Variants in CSNK1G3 observed in about 807,000 individuals in gnomAD.
The protein encoded by CSNK1G3 is casein kinase 1 gamma 3.
Under a neutral mutation model 64.3 loss-of-function variants are expected in CSNK1G3, and 23 were observed. The ratio of observed to expected loss-of-function variants is 0.36; its 90% CI spans 0.26 to 0.51. The LOEUF (loss-of-function observed/expected upper bound fraction) is 0.51. Ranked by LOEUF, CSNK1G3 falls within the 20% of genes least tolerant of loss-of-function variation. CSNK1G3 has a pLI of 0.96. For missense variants in CSNK1G3, 357 were observed against 510.5 expected (o/e 0.70, Z 2.90); for synonymous variants, 158 against 162.2 (o/e 0.97, Z 0.20).
intron 7 of CSNK1G3, 75 bp downstream of exon 7, chr5:123,588,228 G>C: frequency 8.2e-7 from 1 of 1,219,796 alleles, no homozygotes; most frequent in South Asian, 1.3e-5. Flanking sequence ...CAACTAAACA[G>C]TTTTCATATT....
rs185780279 is a variant in CSNK1G3, at chr5:123,591,337, G to C, written c.1009G>C (p.Val337Leu). 5 of 1,608,026 alleles carry C rather than the reference G, an allele frequency of 3.1e-6. No individual in the cohort carries two copies. In the African/African-American group the frequency reaches 6.7e-5, roughly 22 times the overall value. The change falls in exon 10 of 13, where the codon GTT becomes CTT. Residue 337 changes from valine to leucine, a missense_variant. Transcript: ENST00000345990. ...ATTGTAGCCTACTCCAGTGGGTGCA[G>C]TTCAGCAAGATCCTGCTCTGTCATC...
Position 123,605,416 on chromosome 5 carries a change from G to A in CSNK1G3, c.1217+54G>A. 3 of 1,578,918 alleles carry A rather than the reference G, an allele frequency of 1.9e-6. No homozygotes were observed. The East Asian group carries it at 6.7e-5, about 35-fold the overall frequency. ...TAGCTCCATTGACTGTAATTTCAAA[G>A]ATTTAGCATCATTTTGTGTCTTTTG... is the stretch of plus-strand genomic sequence containing the variant. On this transcript the variant is annotated intron_variant, in intron 12 of 12. Transcript: ENST00000345990.
At chr5:123,609,786 A>G (rs1561633035) in intron 12 of CSNK1G3, among the ~76,000 whole-genome samples, 1 of 152,178 alleles carries the variant, frequency 6.6e-6, no homozygotes, top group Admixed American at 6.5e-5. Flanking sequence ...AAGGAAGCCT[A>G]ATGGAGAATG....
intron 7 of CSNK1G3, 110 bp from the exon 8 acceptor site, chr5:123,588,317 T>A: frequency 9.3e-7 from 1 of 1,075,338 alleles, no homozygotes; most frequent in East Asian, 2.4e-5. Context: ...GCTCAAGCAT[T>A]CCTTCTGCCT....
chr5:123,581,359 T>G (rs1213820306), intron 6 of CSNK1G3, among the ~76,000 whole-genome samples: 1 of 96,828 alleles, frequency 1.0e-5, no homozygotes, highest in Admixed American at 1.1e-4. Flanking sequence ...TTTTTGGGTT[T>G]GTTTTTTTTT....
At chr5:123,595,772 T>TA (rs1208365830) in intron 10 of CSNK1G3, among the ~76,000 whole-genome samples, 1 of 152,052 alleles carries the variant, frequency 6.6e-6, no homozygotes, top group Non-Finnish European at 1.5e-5. Context: ...TTTATACACT[T>TA]AGAGACCGCT....
intron 1 of CSNK1G3, among the ~76,000 whole-genome samples, chr5:123,516,914 TC>T (rs1777266813): frequency 6.6e-6 from 1 of 152,242 alleles, no homozygotes; most frequent in African/African-American, 2.4e-5. Context: ...GGAAGTACTT[TC>T]TTCAGTTGAT....
At chr5:123,512,989 C>T (rs888327054) in intron 1 of CSNK1G3, among the ~76,000 whole-genome samples, 2 of 151,934 alleles carry the variant, frequency 1.3e-5, no homozygotes, top group Non-Finnish European at 2.9e-5. Flanking sequence ...AGACAATTAC[C>T]TTTGGAGTAG....
At chr5:123,518,384 G>A (rs1777537550) in intron 1 of CSNK1G3, among the ~76,000 whole-genome samples, 1 of 152,212 alleles carries the variant, frequency 6.6e-6, no homozygotes, top group Non-Finnish European at 1.5e-5. Flanking sequence ...ATTGAAGTAT[G>A]AAGGTAGGGT....
At chr5:123,578,184 A>AT (rs1274952055) in intron 6 of CSNK1G3, among the ~76,000 whole-genome samples, 1 of 151,886 alleles carries the variant, frequency 6.6e-6, no homozygotes, top group Non-Finnish European at 1.5e-5. Flanking sequence ...TTGTGGGCAT[A>AT]TTTTTCAGTT....
intron 1 of CSNK1G3, among the ~76,000 whole-genome samples, chr5:123,535,592 A>G (rs1378751289): frequency 6.6e-6 from 1 of 152,194 alleles, no homozygotes; most frequent in Non-Finnish European, 1.5e-5. Context: ...TTACAAGTTT[A>G]TGAACAGTTA....
intron 6 of CSNK1G3, among the ~76,000 whole-genome samples, chr5:123,584,971 G>A (rs1176295348): frequency 1.3e-5 from 2 of 152,140 alleles, no homozygotes; most frequent in Non-Finnish European, 2.9e-5. Flanking sequence ...TTAGCCTGCT[G>A]AGAGGATTAA....
chr5:123,523,213 A>T (rs6595454), intron 1 of CSNK1G3, among the ~76,000 whole-genome samples: 91,677 of 151,892 alleles, frequency 0.6, 28,929 homozygotes, highest in African/African-American at 0.79. Context: ...TCAGTGAAAA[A>T]ATTTTACCTT....
intron 2 of CSNK1G3, among the ~76,000 whole-genome samples, chr5:123,547,824 C>A (rs1158587173): frequency 6.6e-6 from 1 of 151,968 alleles, no homozygotes; most frequent in African/African-American, 2.4e-5. Flanking sequence ...TCATAGACTT[C>A]TAAAAGGGTA....
At chr5:123,600,352 G>A (rs1043633506) in intron 10 of CSNK1G3, among the ~76,000 whole-genome samples, 3 of 152,012 alleles carry the variant, frequency 2.0e-5, no homozygotes, top group Non-Finnish European at 4.4e-5. Context: ...CAGGAGGGGC[G>A]TGGTGGCTCA....
intron 10 of CSNK1G3, among the ~76,000 whole-genome samples, chr5:123,599,812 A>G (rs1170085636): frequency 6.6e-6 from 1 of 152,074 alleles, no homozygotes; most frequent in African/African-American, 2.4e-5. Flanking sequence ...CTAGTTTAGG[A>G]AATTCCTTAT....
chr5:123,587,581 T>A (rs1791560651), intron 6 of CSNK1G3, among the ~76,000 whole-genome samples: 1 of 152,222 alleles, frequency 6.6e-6, no homozygotes, highest in African/African-American at 2.4e-5. Flanking sequence ...TAAAATATAT[T>A]ACACACAATA....
chr5:123,554,332 G>C (rs181988769), intron 3 of CSNK1G3, among the ~76,000 whole-genome samples: 37 of 152,270 alleles, frequency 2.4e-4, no homozygotes, highest in African/African-American at 8.9e-4. Context: ...CCAGTTGTCA[G>C]CGTTTCTTAG....
intron 6 of CSNK1G3, among the ~76,000 whole-genome samples, chr5:123,583,943 C>T (rs531941054): frequency 2.0e-5 from 3 of 151,822 alleles, no homozygotes; most frequent in East Asian, 1.9e-4. Context: ...CCACCTGGCT[C>T]GACCTCCCAA....
Sources: allele counts gnomAD v4.1 joint callset (sites outside exome capture counted in the v4.1 genomes callset), GRCh38; gene constraint gnomAD v4.1.1; transcripts MANE v1.5; gene names NCBI Gene and HGNC (gene_info 2026-07-23, HGNC 2026-07-21).